ANKS1B: variants seen among roughly 807,000 people sequenced by gnomAD.
The protein encoded by ANKS1B is ankyrin repeat and sterile alpha motif domain-containing protein 1B.
In ANKS1B, 36 loss-of-function variants were observed where a neutral mutation model predicts 148.3. The ratio of observed to expected loss-of-function variants is 0.24; its 90% confidence interval spans 0.19 to 0.32. ANKS1B has a LOEUF of 0.32. Ranked by LOEUF, ANKS1B falls within the 10% of genes least tolerant of loss-of-function variation. ANKS1B has a pLI of 1.00. For missense variants in ANKS1B, 1,157 were observed against 1,542.6 expected, an observed-to-expected ratio of 0.75 and a Z score of 4.19; for synonymous variants, 542 against 560.8, an observed-to-expected ratio of 0.97 and a Z score of 0.47.
chr12:99,654,967 C>T, intron 9 of ANKS1B, 100 bp downstream of exon 9: 1 of 1,326,240 alleles, frequency 7.5e-7, no homozygotes, highest in Non-Finnish European at 1.0e-6. Context: ...ACAAAGTGAA[C>T]AAGATCCTAA....
rs556077612 is a variant in ANKS1B, at chr12:99,055,721, T to TGG, written c.2626-2414_2626-2413dup. On this transcript the variant is annotated intron_variant, in intron 16 of 26. Coordinates refer to ENST00000683438, the MANE Select transcript of ANKS1B (RefSeq NM_001352186.2). ...CAGTCCCTTAGGGGAAGTCTAAACT[T>TGG]GGGGGGGGGGGAGGTGGTGAGGAAA... Among the ~76,000 whole-genome samples the TGG allele has an allele frequency of 6.6e-3, 404 of 60,916 alleles. 4 individuals are homozygous for TGG. The highest frequency in any genetic ancestry group is 0.013 in the African/African-American group (227 of 17,866). The allele number at this position is 60,916 out of a possible 152,430, so 40.0% of individuals were successfully genotyped here. A position where few individuals can be genotyped will look rare whatever the true frequency, so the allele number is the denominator to read the frequency against.
At chr12:99,401,422 T>C (rs572844880) in intron 11 of ANKS1B, among the ~76,000 whole-genome samples, 1 of 146,730 alleles carries the variant, frequency 6.8e-6, no homozygotes, top group South Asian at 2.1e-4. Context: ...CACATTTCTA[T>C]GTTTCTTCTC....
At chr12:99,308,201 T>G (rs1303407534) in intron 12 of ANKS1B, among the ~76,000 whole-genome samples, 1 of 152,094 alleles carries the variant, frequency 6.6e-6, no homozygotes, top group Non-Finnish European at 1.5e-5. Context: ...AATCACTACA[T>G]AGCTCTATGA....
chr12:99,878,841 A>G (rs1208481576), intron 1 of ANKS1B, among the ~76,000 whole-genome samples: 2 of 151,616 alleles, frequency 1.3e-5, no homozygotes, highest in African/African-American at 4.8e-5. Flanking sequence ...TTATGTTTTT[A>G]TTTTATGGTT....
At chr12:99,571,953 A>G (rs1279417303) in intron 9 of ANKS1B, among the ~76,000 whole-genome samples, 7 of 152,124 alleles carry the variant, frequency 4.6e-5, no homozygotes, top group Non-Finnish European at 8.8e-5. Flanking sequence ...AATAAAATCC[A>G]AATATGTATA....
In ANKS1B at chr12:99,602,894, G is replaced by A. The variant is rs576041346; in HGVS notation, c.1272+52173C>T. Among the ~76,000 whole-genome samples, 6 of 152,126 alleles carry A rather than the reference G, an allele frequency of 3.9e-5. No homozygotes were observed. The East Asian group carries it at 9.6e-4, about 24-fold the overall frequency. On this transcript the variant is annotated intron_variant, in intron 9 of 26. Coordinates refer to ENST00000683438, the MANE Select transcript of ANKS1B (RefSeq NM_001352186.2). Reference sequence around the variant, plus strand: ...AATTAGTTAGAATCTAATAACAAGTGCACTATAGTTTTCATCTGACACATA... The same window carrying A: ...AATTAGTTAGAATCTAATAACAAGTACACTATAGTTTTCATCTGACACATA...
intron 15 of ANKS1B, among the ~76,000 whole-genome samples, chr12:99,086,659 C>G (rs1229447289): frequency 2.0e-5 from 3 of 152,084 alleles, no homozygotes; most frequent in African/African-American, 7.2e-5. Flanking sequence ...TATTTTAAAC[C>G]TGTGATTAAT....
chr12:99,946,511 C>T (rs1347861902), intron 1 of ANKS1B, among the ~76,000 whole-genome samples: 1 of 152,094 alleles, frequency 6.6e-6, no homozygotes, highest in Non-Finnish European at 1.5e-5. Flanking sequence ...CATGAGGGCC[C>T]TACCCTCATG....
intron 16 of ANKS1B, among the ~76,000 whole-genome samples, chr12:99,081,546 G>A (rs572751804): frequency 6.6e-6 from 1 of 152,196 alleles, no homozygotes; most frequent in African/African-American, 2.4e-5. Flanking sequence ...ATCAATTTGT[G>A]GCATTACAAC....
At chr12:99,151,214 C>A (rs569854583) in intron 15 of ANKS1B, among the ~76,000 whole-genome samples, 49 of 152,084 alleles carry the variant, frequency 3.2e-4, no homozygotes, top group African/African-American at 1.2e-3. Context: ...GAAGGAGGAG[C>A]AATAATTGAC....
intron 2 of ANKS1B, among the ~76,000 whole-genome samples, chr12:99,818,757 G>A (rs1056988660): frequency 6.6e-6 from 1 of 151,794 alleles, no homozygotes; most frequent in Non-Finnish European, 1.5e-5. Flanking sequence ...ATATTTTGCA[G>A]CTTTAAGCTA....
At chr12:98,991,786 T>C (rs2099926707) in intron 17 of ANKS1B, among the ~76,000 whole-genome samples, 1 of 152,224 alleles carries the variant, frequency 6.6e-6, no homozygotes, top group Admixed American at 6.5e-5. Context: ...CTAGGCAGTC[T>C]GATTCCAGCG....
chr12:99,960,552 C>G (rs1457542230), intron 1 of ANKS1B, among the ~76,000 whole-genome samples: 3 of 152,074 alleles, frequency 2.0e-5, no homozygotes, highest in African/African-American at 7.2e-5. Flanking sequence ...GGAAGGAAAT[C>G]AGAGAGAAAA....
intron 22 of ANKS1B, among the ~76,000 whole-genome samples, chr12:98,793,259 A>G (rs2098906191): frequency 6.6e-6 from 1 of 152,166 alleles, no homozygotes; most frequent in Admixed American, 6.5e-5. Flanking sequence ...GCATTTTTTC[A>G]TATACTTTTT....
intron 14 of ANKS1B, among the ~76,000 whole-genome samples, chr12:99,195,103 T>G (rs925888648): frequency 1.3e-5 from 2 of 152,176 alleles, no homozygotes; most frequent in African/African-American, 4.8e-5. Flanking sequence ...GTTTAACTGA[T>G]GTACTTTATT....
chr12:99,328,938 A>C (rs2086985929), intron 12 of ANKS1B, among the ~76,000 whole-genome samples: 1 of 151,988 alleles, frequency 6.6e-6, no homozygotes, highest in Non-Finnish European at 1.5e-5. Flanking sequence ...ATTCAGTCTA[A>C]GATGAGAAAC....
intron 17 of ANKS1B, among the ~76,000 whole-genome samples, chr12:99,011,685 C>A (rs543658656): frequency 5.9e-5 from 9 of 152,144 alleles, no homozygotes; most frequent in Admixed American, 1.3e-4. Flanking sequence ...TTTTGTTTTG[C>A]AAAATCAACC....
intron 12 of ANKS1B, among the ~76,000 whole-genome samples, chr12:99,306,700 A>G (rs538641863): frequency 4.6e-4 from 70 of 152,228 alleles, no homozygotes; most frequent in Non-Finnish European, 2.4e-4. Context: ...CCTTTTCCCA[A>G]TGCAGTATAA....
chr12:99,153,419 G>A (rs2075444601), intron 15 of ANKS1B, among the ~76,000 whole-genome samples: 1 of 152,122 alleles, frequency 6.6e-6, no homozygotes, highest in Non-Finnish European at 1.5e-5. Context: ...TATGTGTGAT[G>A]GGTACTTAAA....
Sources: allele counts gnomAD v4.1 joint callset (sites outside exome capture counted in the v4.1 genomes callset), GRCh38; gene constraint gnomAD v4.1.1; transcripts MANE v1.5; gene names NCBI Gene and HGNC (gene_info 2026-07-23, HGNC 2026-07-21).